ZSCAN5B: variants seen among roughly 807,000 people sequenced by gnomAD.
ZSCAN5B encodes the protein zinc finger and SCAN domain containing 5B, also known as zinc finger and SCAN domain-containing protein 5B.
ZSCAN5B carries 26 observed loss-of-function variants against 25.2 expected under a neutral mutation model. The ratio of observed to expected loss-of-function variants is 1.03; its 90% CI spans 0.76 to 1.43. ZSCAN5B has a LOEUF of 1.43. Ranked by LOEUF, ZSCAN5B falls within the 40% of genes most tolerant of loss-of-function variation. The pLI is 0.00. For missense variants in ZSCAN5B, 745 were observed against 622.1 expected, an observed-to-expected ratio of 1.20 and a Z score of -2.10; for synonymous variants, 244 against 240.9, an observed-to-expected ratio of 1.01 and a Z score of -0.12.
intron 1 of ZSCAN5B, among the ~76,000 whole-genome samples, chr19:56,197,234 G>A (rs1341061645): frequency 2.0e-5 from 3 of 150,646 alleles, no homozygotes; most frequent in Non-Finnish European, 4.4e-5. Flanking sequence ...GTGCAATGGC[G>A]CGACCTCGGC....
intron 2 of ZSCAN5B, among the ~76,000 whole-genome samples, chr19:56,192,372 A>G (rs1158312686): frequency 6.6e-6 from 1 of 152,196 alleles, no homozygotes; most frequent in African/African-American, 2.4e-5. Flanking sequence ...GGGGACCTGG[A>G]GGCAGATCCC....
exon 5 of ZSCAN5B, chr19:56,190,284 G>A: frequency 6.2e-7 from 1 of 1,614,212 alleles, no homozygotes; most frequent in Non-Finnish European, 8.5e-7. Context: ...TTGGCCATCT[G>A]GGTGACTGAC....
rs992827754 is a variant in ZSCAN5B at position 56,190,768 on chromosome 19, G to C, written c.739+69C>G. The C allele has an allele frequency of 4.6e-5, 72 of 1,562,396 alleles. No homozygotes were observed. In the African/African-American group the frequency reaches 8.1e-4, roughly 18 times the overall value. ...ATCGCCAGCCCCAGGGGATGATAATGCTGGGCCCCCAGCCCCGCACCCCAG... is the reference window on the plus strand; with the variant it reads ...ATCGCCAGCCCCAGGGGATGATAATCCTGGGCCCCCAGCCCCGCACCCCAG... On this transcript the variant is annotated intron_variant, in intron 4 of 4. Coordinates refer to ENST00000586855, the Ensembl canonical transcript of ZSCAN5B.
exon 5 of ZSCAN5B, chr19:56,190,112 G>T (rs754994212): frequency 3.2e-5 from 52 of 1,613,932 alleles, no homozygotes; most frequent in Middle Eastern, 1.6e-4. Flanking sequence ...GGACTCGCTG[G>T]TGAACTCGGA....
At chr19:56,193,257 A>C in intron 1 of ZSCAN5B, 78 bp from the exon 2 acceptor site, 2 of 570,582 alleles carry the variant, frequency 3.5e-6, no homozygotes, top group East Asian at 3.0e-5. Flanking sequence ...CCTCATCCCA[A>C]TCCTGGACCC....
At position 56,190,002 on chromosome 19, in the gene ZSCAN5B, G is replaced by A. The variant is rs376554687; in HGVS notation, c.1313C>T (p.Pro438Leu). The stretch of plus-strand genomic sequence containing the variant: ...TTTGCTGCAGTATTTACATTTAAAC[G>A]GCCTCTCCCCGGTGTGGATCCTCTT... The change falls in exon 5 of 5, where the codon CCG (proline) becomes CTG (leucine). Residue 438 changes from proline to leucine, a missense_variant. Coordinates refer to ENST00000586855, the Ensembl canonical transcript of ZSCAN5B. The A allele has an allele frequency of 4.3e-5, 69 of 1,613,822 alleles. No homozygotes were observed. The highest frequency in any genetic ancestry group is 1.8e-4 in the South Asian group (16 of 91,084).
intron 2 of ZSCAN5B, among the ~76,000 whole-genome samples, 171 bp from the exon 3 acceptor site, chr19:56,192,224 C>A (rs1339351078): frequency 6.6e-6 from 1 of 152,158 alleles, no homozygotes; most frequent in Non-Finnish European, 1.5e-5. Flanking sequence ...TTTTTCTTCA[C>A]TAGATAAGTA....
exon 4 of ZSCAN5B, chr19:56,190,905 T>C: frequency 6.2e-7 from 1 of 1,614,160 alleles, no homozygotes; most frequent in Non-Finnish European, 8.5e-7. Context: ...TTCCTTCAGA[T>C]CCTTCTCCAA....
exon 5 of ZSCAN5B, chr19:56,190,308 C>T (rs761397978): frequency 6.2e-7 from 1 of 1,614,012 alleles, no homozygotes; most frequent in African/African-American, 1.3e-5. Context: ...GCCCGCAGGG[C>T]CTGGGGAATG....
At position 56,189,943 on chromosome 19, in the gene ZSCAN5B, G is replaced by A; in HGVS notation, c.1372C>T (p.Gln458Ter). The A allele has an allele frequency of 6.2e-7, 1 of 1,614,020 alleles. No homozygotes were observed. Among genetic ancestry groups the A allele is most frequent in the South Asian group, 1.1e-5 (1 of 91,076 alleles). The change falls in exon 5 of 5, where the codon CAG becomes TAG. Residue 458 changes from glutamine (Q) to a stop codon, truncating the protein, a stop_gained. Coordinates refer to ENST00000586855, the Ensembl canonical transcript of ZSCAN5B. LOFTEE classifies it low-confidence loss of function (END_TRUNC). ...GGCTTCTCTCCGGAGTGGGTGCGCT[G>A]GTGAACGTTCAGGTTCCCCTTGTGG...
exon 1 of ZSCAN5B, chr19:56,197,741 C>A (rs1289662910): frequency 1.9e-5 from 19 of 985,370 alleles, no homozygotes; most frequent in Non-Finnish European, 2.3e-5. Flanking sequence ...CACCTCCTTC[C>A]CGGCTTCTGC....
chr19:56,195,478 G>C (rs1432278206), intron 1 of ZSCAN5B, among the ~76,000 whole-genome samples: 2 of 151,760 alleles, frequency 1.3e-5, no homozygotes, highest in African/African-American at 4.9e-5. Context: ...AAAGACACAT[G>C]GAACGAGTGT....
At chr19:56,192,590 C>T (rs2032751574) in intron 2 of ZSCAN5B, 79 bp downstream of exon 2, 6 of 1,532,844 alleles carry the variant, frequency 3.9e-6, no homozygotes, top group African/African-American at 1.4e-5. Flanking sequence ...ATTAGCTGTG[C>T]TGATATTTGA....
rs748363198 is a variant in ZSCAN5B at position 56,191,891 on chromosome 19, G to A, written c.547C>T (p.Gln183Ter). 3.1e-6 allele frequency: 5 copies of A among 1,613,904 alleles called. No individual in the cohort carries two copies. The highest frequency in any genetic ancestry group is 4.2e-6 in the Non-Finnish European group (5 of 1,180,002). Reference sequence around the variant, plus strand: ...GCAGCGACCCTGGGCAGGATCTGCTGCTCTCGGCGGGCCTGGCCTGTCCCC... The same window carrying A: ...GCAGCGACCCTGGGCAGGATCTGCTACTCTCGGCGGGCCTGGCCTGTCCCC... The change falls in exon 3 of 5, where the codon CAG becomes TAG. Residue 183 changes from glutamine to a stop codon, truncating the protein, a stop_gained. Transcript: ENST00000586855. LOFTEE classifies it high-confidence loss of function.
chr19:56,191,073 C>T, intron 3 of ZSCAN5B, 86 bp from the exon 4 acceptor site: 2 of 1,576,886 alleles, frequency 1.3e-6, no homozygotes, highest in East Asian at 2.2e-5. Flanking sequence ...ACTGGACACA[C>T]CAGACTTCCC....
At chr19:56,193,076 A>C in exon 2 of ZSCAN5B, 1 of 1,513,478 alleles carries the variant, frequency 6.6e-7, no homozygotes. Flanking sequence ...TATTTCAATC[A>C]GCCTCTGAGC....
At chr19:56,196,139 C>T (rs914076445) in intron 1 of ZSCAN5B, among the ~76,000 whole-genome samples, 1 of 152,196 alleles carries the variant, frequency 6.6e-6, no homozygotes, top group African/African-American at 2.4e-5. Context: ...GCCACCTCTG[C>T]CTCCCGGGTT....
intron 1 of ZSCAN5B, among the ~76,000 whole-genome samples, chr19:56,196,732 C>T (rs2122209731): frequency 6.6e-6 from 1 of 152,336 alleles, no homozygotes; most frequent in South Asian, 2.1e-4. Context: ...CACTGTGCTC[C>T]AGCCTGGGAG....
At chr19:56,193,682 G>C (rs893546089) in intron 1 of ZSCAN5B, among the ~76,000 whole-genome samples, 1 of 152,116 alleles carries the variant, frequency 6.6e-6, no homozygotes, top group African/African-American at 2.4e-5. Context: ...CCTATGAGAG[G>C]CCGGGCGCGG....
Sources: gnomAD v4.1 joint callset for allele counts (sites outside exome capture counted in the v4.1 genomes callset) on GRCh38, gnomAD v4.1.1 for gene constraint, MANE v1.5 for transcripts, NCBI Gene and HGNC (gene_info 2026-07-23, HGNC 2026-07-21) for gene names.